The following WIPF1 variants were observed in gnomAD, a reference collection of about 807,000 sequenced individuals.
WIPF1 encodes the protein WAS/WASL-interacting protein family member 1.
Under a neutral mutation model 35.4 loss-of-function variants are expected in WIPF1, and 13 were observed. That is an observed-to-expected ratio of 0.37 (90% CI 0.24 to 0.58). The LOEUF is 0.58. Among genes scored for constraint, WIPF1 ranks in the 20% least tolerant of loss-of-function variants. The pLI, the probability that WIPF1 is intolerant of heterozygous loss-of-function variation, is 0.74. For synonymous variants in WIPF1, 267 were observed against 266.3 expected, an observed-to-expected ratio of 1.00 and a Z score of -0.02; for missense variants, 591 against 667.0, an observed-to-expected ratio of 0.89 and a Z score of 1.25.
At chr2:174,562,747 A>C (rs1176271730) in intron 7 of WIPF1, 145 bp from the exon 8 acceptor site, 3 of 1,072,240 alleles carry the variant, frequency 2.8e-6, no homozygotes, top group Non-Finnish European at 2.7e-6. Flanking sequence ...GTGGATGAGA[A>C]GTGAGAGGTG....
intron 1 of WIPF1, chr2:174,665,330 T>C (rs767820357): frequency 6.6e-6 from 1 of 152,256 alleles, no homozygotes; most frequent in Non-Finnish European, 1.5e-5. Flanking sequence ...ACTCAACTGT[T>C]TTCTGCCTGA....
intron 1 of WIPF1, among the ~76,000 whole-genome samples, chr2:174,663,460 CA>C (rs1323153522): frequency 2.0e-5 from 3 of 152,190 alleles, no homozygotes; most frequent in Non-Finnish European, 2.9e-5. Context: ...CCCCTCCACG[CA>C]TTCCCCTTCC....
At chr2:174,606,626 C>T (rs756646048) in intron 1 of WIPF1, among the ~76,000 whole-genome samples, 83 of 152,240 alleles carry the variant, frequency 5.5e-4, no homozygotes, top group African/African-American at 1.7e-3. Context: ...GCCAACTCTG[C>T]GCTTTATAGT....
chr2:174,635,460 G>C (rs1481030381), intron 1 of WIPF1, among the ~76,000 whole-genome samples: 1 of 151,894 alleles, frequency 6.6e-6, no homozygotes, highest in Non-Finnish European at 1.5e-5. Context: ...AGCTGGAGCA[G>C]GGACTAAGCA....
At chr2:174,681,871 C>T (rs867950170) in intron 1 of WIPF1, among the ~76,000 whole-genome samples, 4 of 152,148 alleles carry the variant, frequency 2.6e-5, no homozygotes, top group Middle Eastern at 3.2e-3. Flanking sequence ...CAGAAGACCT[C>T]ACCAGGCTCA....
At position 174,572,202 on chromosome 2, in the gene WIPF1, C is replaced by T; in HGVS notation, c.603G>A (p.Arg201=). ...PRPIQSSPHN[R]GSPPVPGGPR... is the part of the protein sequence containing the mutation. Reference sequence around the variant, plus strand: ...GGCCTCCGGGCACTGGTGGGGACCCCCGGTTGTGCGGACTTGATTGAATGG... The same window carrying T: ...GGCCTCCGGGCACTGGTGGGGACCCTCGGTTGTGCGGACTTGATTGAATGG... The change falls in exon 5 of 8, where the codon CGG becomes CGA. Residue 201 remains arginine, a synonymous_variant. Transcript: ENST00000679041. 2 of 1,614,134 alleles carry T rather than the reference C, an allele frequency of 1.2e-6. No individual in the cohort carries two copies. The highest frequency in any genetic ancestry group is 2.2e-5 in the South Asian group (2 of 91,088).
chr2:174,581,273 T>C, intron 3 of WIPF1, 37 bp downstream of exon 3: 1 of 1,611,750 alleles, frequency 6.2e-7, no homozygotes, highest in Non-Finnish European at 8.5e-7. Context: ...GGCCATAAAC[T>C]GTTCCTCTCC....
chr2:174,631,478 T>C (rs1029464333), intron 1 of WIPF1, among the ~76,000 whole-genome samples: 1 of 151,722 alleles, frequency 6.6e-6, no homozygotes, highest in Non-Finnish European at 1.5e-5. Context: ...GAATGGGGAG[T>C]TGTTGTTTAA....
At chr2:174,566,335 A>G (rs529178376) in intron 7 of WIPF1, 2 of 152,342 alleles carry the variant, frequency 1.3e-5, no homozygotes, top group South Asian at 2.1e-4. Flanking sequence ...TCTTGTTGAC[A>G]TTCTTCTTCA....
In WIPF1 at chr2:174,619,588, G is replaced by T. The variant is rs530379368; in HGVS notation, c.-38-33977C>A. Among the ~76,000 whole-genome samples, 81 of 152,306 alleles carry T rather than the reference G, an allele frequency of 5.3e-4. No individual in the cohort carries two copies. In the South Asian group the frequency reaches 0.017, roughly 31 times the overall value. On this transcript the variant is annotated intron_variant, in intron 1 of 8. Transcript: ENST00000272746. ...GGATCAAAGAGTTTGAACAATTTAA[G>T]TTCACTTGATACACAGTGCAGATGG...
At chr2:174,602,203 A>G (rs1290554889), upstream of WIPF1, among the ~76,000 whole-genome samples, 1 of 152,226 alleles carries the variant, frequency 6.6e-6, no homozygotes, top group East Asian at 1.9e-4. Context: ...AGAATCCTCC[A>G]TATTAATCTA....
In WIPF1 at chr2:174,572,187, C is replaced by T. The variant is rs762372137; in HGVS notation, c.618G>A (p.Val206=). ...GGCTGGGCTGCCTGGGGCCTCCGGG[C>T]ACTGGTGGGGACCCCCGGTTGTGCG... ...SSPHNRGSPP[V]PGGPRQPSPG... Residue 206 remains valine (V), a synonymous_variant, in exon 5 of 8, where the codon GTG becomes GTA. Coordinates refer to ENST00000679041, the MANE Select transcript of WIPF1 (RefSeq NM_001375834.1). 1 of 1,614,058 alleles carries T rather than the reference C, an allele frequency of 6.2e-7. No individual in the cohort carries two copies. The highest frequency in any genetic ancestry group is 8.5e-7 in the Non-Finnish European group (1 of 1,179,986).
chr2:174,620,100 T>G (rs1686629309), intron 1 of WIPF1, among the ~76,000 whole-genome samples: 1 of 152,230 alleles, frequency 6.6e-6, no homozygotes, highest in Non-Finnish European at 1.5e-5. Context: ...CAAAGGGCCA[T>G]TTGCGTGTTT....
chr2:174,587,450 A>C (rs1407759346), intron 1 of WIPF1: 1 of 152,244 alleles, frequency 6.6e-6, no homozygotes, highest in Non-Finnish European at 1.5e-5. Flanking sequence ...GATAATGCTA[A>C]ATGGCTTGCT....
intron 1 of WIPF1, among the ~76,000 whole-genome samples, chr2:174,636,294 C>T (rs994408184): frequency 6.6e-6 from 1 of 151,920 alleles, no homozygotes; most frequent in Non-Finnish European, 1.5e-5. Context: ...TAATAAAATG[C>T]TTTATAATTT....
upstream of WIPF1, among the ~76,000 whole-genome samples, chr2:174,601,497 G>A (rs186167603): frequency 3.3e-5 from 5 of 152,294 alleles, no homozygotes; most frequent in Admixed American, 6.5e-5. Context: ...GGAAGGGGGG[G>A]AAATAAAAAG....
At chr2:174,576,243 A>AAAAAC (rs1553526981) in intron 3 of WIPF1, among the ~76,000 whole-genome samples, 3 of 150,350 alleles carry the variant, frequency 2.0e-5, no homozygotes, top group African/African-American at 7.5e-5. Flanking sequence ...AAAAAAAAAA[A>AAAAAC]AAAAAACACT....
At chr2:174,612,606 C>T (rs894310966) in intron 1 of WIPF1, among the ~76,000 whole-genome samples, 1 of 151,110 alleles carries the variant, frequency 6.6e-6, no homozygotes, top group Non-Finnish European at 1.5e-5. Flanking sequence ...TTGATACATA[C>T]GATTAAATTA....
intron 1 of WIPF1, among the ~76,000 whole-genome samples, chr2:174,637,786 C>CA (rs1300599853): frequency 4.6e-5 from 7 of 151,636 alleles, no homozygotes; most frequent in Non-Finnish European, 1.0e-4. Flanking sequence ...GACTCCGTCT[C>CA]AAAAAAACAA....
Sources: allele counts gnomAD v4.1 joint callset (sites outside exome capture counted in the v4.1 genomes callset), GRCh38; gene constraint gnomAD v4.1.1; transcripts MANE v1.5; gene names NCBI Gene and HGNC (gene_info 2026-07-23, HGNC 2026-07-21).